The following EYA1 variants were observed in gnomAD, a reference collection of about 807,000 sequenced individuals.
EYA1 encodes protein phosphatase EYA1.
A neutral mutation model predicts 82.0 loss-of-function variants in EYA1; 16 were observed. The observed-to-expected ratio is 0.20, with a 90% CI of 0.13 to 0.30. EYA1 has a LOEUF of 0.30. Among genes scored for constraint, EYA1 ranks in the 10% least tolerant of loss-of-function variants. EYA1 has a pLI of 1.00. For synonymous variants in EYA1, 261 were observed against 264.4 expected, an observed-to-expected ratio of 0.99 and a Z score of 0.12; for missense variants, 633 against 730.7, an observed-to-expected ratio of 0.87 and a Z score of 1.54.
intron 2 of EYA1, among the ~76,000 whole-genome samples, chr8:71,424,558 A>G (rs943559008): frequency 3.3e-5 from 5 of 152,182 alleles, no homozygotes; most frequent in Admixed American, 2.6e-4. Context: ...ACATGAAAAA[A>G]CTGCATTAGA....
At chr8:71,523,551 C>A (rs1422128502) in intron 2 of EYA1, among the ~76,000 whole-genome samples, 1 of 152,194 alleles carries the variant, frequency 6.6e-6, no homozygotes, top group East Asian at 1.9e-4. Flanking sequence ...GCAAATCAAT[C>A]ACCTTTGTCC....
chr8:71,348,910 A>G (rs1405378033), intron 3 of EYA1, among the ~76,000 whole-genome samples: 1 of 152,190 alleles, frequency 6.6e-6, no homozygotes, highest in Non-Finnish European at 1.5e-5. Context: ...CTACTTAGAA[A>G]TATTTTGTGA....
chr8:71,216,743 G>A lies in EYA1; in HGVS notation c.1309C>T (p.Arg437Cys), dbSNP rs1240529273. 1.4e-5 allele frequency: 22 copies of A among 1,611,744 alleles called. No homozygotes were observed. Among genetic ancestry groups the A allele is most frequent in the South Asian group, 2.2e-5 (2 of 90,962 alleles). Residue 437 changes from arginine to cysteine, a missense_variant, in exon 14 of 18, where the codon CGC becomes TGC. Transcript: ENST00000340726. ...GVDWMRKLAF[R>C]YRRVKEIYNT... ...TAGATCTCTTTTACCCGTCTGTAGC[G>A]GAAGGCCAACTTTCTCATCCAGTCC...
intron 2 of EYA1, among the ~76,000 whole-genome samples, chr8:71,421,402 A>C (rs937843038): frequency 6.6e-6 from 1 of 152,176 alleles, no homozygotes; most frequent in African/African-American, 2.4e-5. Flanking sequence ...TGATTCGCTC[A>C]AGGCCATCCA....
intron 7 of EYA1, among the ~76,000 whole-genome samples, chr8:71,315,670 T>C (rs910238768): frequency 3.9e-5 from 6 of 152,240 alleles, no homozygotes; most frequent in Non-Finnish European, 7.3e-5. Context: ...AGCCTAGGAC[T>C]GTTAAATTCA....
intron 3 of EYA1, among the ~76,000 whole-genome samples, chr8:71,344,866 C>T (rs1825539960): frequency 6.6e-6 from 1 of 152,170 alleles, no homozygotes; most frequent in African/African-American, 2.4e-5. Context: ...GCCTAAAAGG[C>T]AATCAATCTA....
At chr8:71,302,660 C>T (rs1054742867) in intron 7 of EYA1, among the ~76,000 whole-genome samples, 1 of 141,564 alleles carries the variant, frequency 7.1e-6, no homozygotes, top group Admixed American at 7.1e-5. Flanking sequence ...ATTAATTTTT[C>T]ACCACCAGAA....
intron 2 of EYA1, among the ~76,000 whole-genome samples, chr8:71,524,023 G>A (rs529225376): frequency 1.3e-5 from 2 of 152,274 alleles, no homozygotes; most frequent in South Asian, 4.2e-4. Context: ...AATGTGTAAT[G>A]TAAACTTTTT....
intron 2 of EYA1, among the ~76,000 whole-genome samples, chr8:71,399,194 A>G (rs1829809254): frequency 6.6e-6 from 1 of 152,130 alleles, no homozygotes; most frequent in African/African-American, 2.4e-5. Flanking sequence ...ACCGTCTGTC[A>G]CGGCTTCCCT....
At chr8:71,216,580 G>C in intron 14 of EYA1, 112 bp downstream of exon 14, 1 of 1,152,776 alleles carries the variant, frequency 8.7e-7, no homozygotes. Context: ...AGATGAAACT[G>C]CCCAAATAGA....
At chr8:71,470,196 A>G (rs1175568583) in intron 2 of EYA1, among the ~76,000 whole-genome samples, 2 of 152,106 alleles carry the variant, frequency 1.3e-5, no homozygotes, top group Admixed American at 6.6e-5. Flanking sequence ...TGGCCTAATC[A>G]GTAGATCTAT....
intron 2 of EYA1, among the ~76,000 whole-genome samples, chr8:71,525,689 C>T (rs987967243): frequency 9.2e-5 from 14 of 152,064 alleles, no homozygotes; most frequent in African/African-American, 2.9e-4. Flanking sequence ...GTTTAATAGC[C>T]GTGGTGTTTG....
chr8:71,215,152 A>T (rs548657165), intron 16 of EYA1, among the ~76,000 whole-genome samples: 2 of 152,302 alleles, frequency 1.3e-5, no homozygotes, highest in African/African-American at 4.8e-5. Flanking sequence ...CTCTACCTAA[A>T]ATGCCCTGGT....
At chr8:71,446,294 A>G (rs962053642) in intron 2 of EYA1, among the ~76,000 whole-genome samples, 1 of 151,986 alleles carries the variant, frequency 6.6e-6, no homozygotes, top group South Asian at 2.1e-4. Flanking sequence ...TTCCCCCATG[A>G]TGTTCTCATG....
upstream of EYA1, among the ~76,000 whole-genome samples, chr8:71,362,704 T>A (rs72654193): frequency 1.9e-3 from 287 of 152,332 alleles, 4 homozygotes; most frequent in South Asian, 0.024. Context: ...ATGAACCAGA[T>A]AATGTTTCAG....
intron 11 of EYA1, among the ~76,000 whole-genome samples, chr8:71,245,419 C>A (rs1443762152): frequency 6.6e-6 from 1 of 151,716 alleles, no homozygotes; most frequent in Non-Finnish European, 1.5e-5. Context: ...TTAGTAGAGA[C>A]GGAGTTTCAC....
intron 2 of EYA1, among the ~76,000 whole-genome samples, chr8:71,401,357 A>C (rs192269178): frequency 6.6e-6 from 1 of 152,302 alleles, no homozygotes; most frequent in Admixed American, 6.5e-5. Flanking sequence ...AGAAGATTTC[A>C]ATTTTATTCT....
rs561020172 is a variant in EYA1, at chr8:71,267,839, C to T, written c.1050+1901G>A. 1.3e-3 allele frequency among the ~76,000 whole-genome samples: 191 copies of T among 152,278 alleles called. 1 individual carries two copies. Among genetic ancestry groups the T allele is most frequent in the African/African-American group, 3.8e-3 (157 of 41,550 alleles). ...CTGGGATTACAGGCATGAGCCACCG[C>T]GCCCGGCCGAGATAAAACTTTTTAT... On this transcript the variant is annotated intron_variant, in intron 11 of 17. Coordinates refer to ENST00000340726, the MANE Select transcript of EYA1 (RefSeq NM_000503.6).
At chr8:71,349,310 GA>G (rs758462084) in intron 3 of EYA1, among the ~76,000 whole-genome samples, 191 of 152,292 alleles carry the variant, frequency 1.3e-3, no homozygotes, top group Non-Finnish European at 2.3e-3. Flanking sequence ...GTTTGCTAGG[GA>G]ATGGCATCAT....
Sources: allele counts gnomAD v4.1 joint callset (sites outside exome capture counted in the v4.1 genomes callset), GRCh38; gene constraint gnomAD v4.1.1; transcripts MANE v1.5; gene names NCBI Gene and HGNC (gene_info 2026-07-23, HGNC 2026-07-21).